The following MOB3B variants were observed in gnomAD, a reference collection of about 807,000 sequenced individuals.
The protein encoded by MOB3B is MOB kinase activator 3B.
MOB3B carries 7 observed loss-of-function variants against 18.7 expected under a neutral mutation model. That is an observed-to-expected ratio of 0.37 (90% CI 0.21 to 0.70). The LOEUF (loss-of-function observed/expected upper bound fraction) is 0.70. Among genes scored for constraint, MOB3B ranks in the 30% least tolerant of loss-of-function variants. MOB3B has a pLI of 0.52. For synonymous variants in MOB3B, 111 were observed against 99.9 expected (o/e 1.11, Z -0.66); for missense variants, 253 against 281.3 (o/e 0.90, Z 0.72).
intron 3 of MOB3B, among the ~76,000 whole-genome samples, chr9:27,331,870 G>A (rs1820795425): frequency 6.6e-6 from 1 of 152,230 alleles, no homozygotes; most frequent in Non-Finnish European, 1.5e-5. Flanking sequence ...GTTCAGAGAA[G>A]CGTTCTATTC....
At chr9:27,332,151 C>A (rs1027759220) in intron 3 of MOB3B, among the ~76,000 whole-genome samples, 1 of 152,180 alleles carries the variant, frequency 6.6e-6, no homozygotes, top group Non-Finnish European at 1.5e-5. Context: ...CAACACCACA[C>A]CTGGCTAGTT....
At chr9:27,371,198 G>A (rs576092640) in intron 2 of MOB3B, among the ~76,000 whole-genome samples, 1 of 152,210 alleles carries the variant, frequency 6.6e-6, no homozygotes, top group Admixed American at 6.5e-5. Flanking sequence ...GAGGAGGTGG[G>A]GGCAAGGGAG....
chr9:27,440,654 C>A (rs1171122588), intron 2 of MOB3B, among the ~76,000 whole-genome samples: 1 of 152,072 alleles, frequency 6.6e-6, no homozygotes, highest in Non-Finnish European at 1.5e-5. Flanking sequence ...TGTATCAAGT[C>A]CCACCAGTTA....
At chr9:27,417,274 G>A (rs555730148) in intron 2 of MOB3B, among the ~76,000 whole-genome samples, 13 of 152,346 alleles carry the variant, frequency 8.5e-5, no homozygotes, top group African/African-American at 3.1e-4. Flanking sequence ...TGAGGCAGGA[G>A]AATGGTGTGA....
chr9:27,358,960 A>G, intron 3 of MOB3B, 74 bp downstream of exon 3: 2 of 1,442,502 alleles, frequency 1.4e-6, no homozygotes, highest in Non-Finnish European at 2.0e-6. Flanking sequence ...TTTTCCAGGG[A>G]TTGACAATGC....
intron 2 of MOB3B, among the ~76,000 whole-genome samples, chr9:27,416,194 G>A (rs1822144456): frequency 6.6e-6 from 1 of 151,962 alleles, no homozygotes; most frequent in South Asian, 2.1e-4. Context: ...GGCTATTGCA[G>A]TTAAGCATAA....
chr9:27,481,512 T>A (rs1274708241), intron 1 of MOB3B, among the ~76,000 whole-genome samples: 1 of 74,060 alleles, frequency 1.4e-5, no homozygotes, highest in Non-Finnish European at 3.2e-5. Context: ...TTTTTTTTTG[T>A]TTTTTTTGTT....
At chr9:27,352,305 C>T (rs1821116705) in intron 3 of MOB3B, among the ~76,000 whole-genome samples, 1 of 145,508 alleles carries the variant, frequency 6.9e-6, no homozygotes, top group Non-Finnish European at 1.5e-5. Flanking sequence ...CACTTGAGCC[C>T]AGGAGGCTAG....
intron 3 of MOB3B, among the ~76,000 whole-genome samples, chr9:27,347,792 T>C (rs1821051077): frequency 6.6e-6 from 1 of 152,226 alleles, no homozygotes; most frequent in South Asian, 2.1e-4. Context: ...ATACTTACCA[T>C]TATGTTACAG....
At chr9:27,396,064 G>C (rs982369936) in intron 2 of MOB3B, among the ~76,000 whole-genome samples, 1 of 152,042 alleles carries the variant, frequency 6.6e-6, no homozygotes, top group Non-Finnish European at 1.5e-5. Context: ...GTAGGGGTGT[G>C]GGGGAGGGCT....
At chr9:27,458,368 G>C (rs1276978037) in intron 1 of MOB3B, among the ~76,000 whole-genome samples, 1 of 152,036 alleles carries the variant, frequency 6.6e-6, no homozygotes, top group Non-Finnish European at 1.5e-5. Context: ...GGGAGCATGT[G>C]AATAACACCG....
intron 2 of MOB3B, among the ~76,000 whole-genome samples, chr9:27,361,765 A>G (rs1821277962): frequency 6.6e-6 from 1 of 152,250 alleles, no homozygotes; most frequent in Admixed American, 6.5e-5. Context: ...AGATTTAGCC[A>G]GTTAGTCTGA....
At chr9:27,341,181 G>A (rs572090112) in intron 3 of MOB3B, among the ~76,000 whole-genome samples, 1 of 152,344 alleles carries the variant, frequency 6.6e-6, no homozygotes, top group African/African-American at 2.4e-5. Context: ...TTAGGTTGCA[G>A]GCACCAGAGT....
intron 1 of MOB3B, among the ~76,000 whole-genome samples, chr9:27,527,003 C>T (rs1426047829): frequency 6.6e-6 from 1 of 152,122 alleles, no homozygotes; most frequent in Non-Finnish European, 1.5e-5. Flanking sequence ...CTAGGTATCA[C>T]GTCTTCCGAA....
chr9:27,473,101 C>T (rs10967951), intron 1 of MOB3B, among the ~76,000 whole-genome samples: 21,269 of 152,182 alleles, frequency 0.14, 1,945 homozygotes, highest in East Asian at 0.33. Context: ...CCTAACCTTG[C>T]ATGGCTTCTA....
At chr9:27,522,242 C>CAAAAAAAAAAAAA (rs1171362204) in intron 1 of MOB3B, among the ~76,000 whole-genome samples, 54 of 56,044 alleles carry the variant, frequency 9.6e-4, no homozygotes, top group Non-Finnish European at 1.1e-3. Context: ...CCCCGTCTCA[C>CAAAAAAAAAAAAA]AAAAAAAAAA....
chr9:27,403,548 T>A (rs959215181), intron 2 of MOB3B, among the ~76,000 whole-genome samples: 15 of 103,344 alleles, frequency 1.5e-4, no homozygotes, highest in African/African-American at 5.2e-4. Context: ...TTTTTTTTTT[T>A]AAGAGACAGG....
chr9:27,489,618 C>T (rs1467489753), intron 1 of MOB3B, among the ~76,000 whole-genome samples: 6 of 151,924 alleles, frequency 3.9e-5, no homozygotes, highest in East Asian at 1.9e-4. Flanking sequence ...AGGCTAACCA[C>T]GTATGTGGGT....
intron 2 of MOB3B, chr9:27,394,344 G>C (rs1265300538): frequency 1.3e-5 from 2 of 152,006 alleles, no homozygotes; most frequent in Non-Finnish European, 2.9e-5. Flanking sequence ...ACCACCAAGA[G>C]CTAATAAAAC....
Sources: allele counts gnomAD v4.1 joint callset (sites outside exome capture counted in the v4.1 genomes callset), GRCh38; gene constraint gnomAD v4.1.1; transcripts MANE v1.5; gene names NCBI Gene and HGNC (gene_info 2026-07-23, HGNC 2026-07-21).